Variants in PCDH15 observed in about 807,000 individuals in gnomAD.
The protein encoded by PCDH15 is protocadherin related 15.
PCDH15 carries 129 observed loss-of-function variants against 178.5 expected under a neutral mutation model. The observed-to-expected ratio is 0.72, with a 90% CI of 0.63 to 0.84. The LOEUF is 0.84. PCDH15 is among the 40% of genes least tolerant of loss of function. The pLI, the probability that PCDH15 is intolerant of heterozygous loss-of-function variation, is 0.00. For synonymous variants in PCDH15, 800 were observed against 732.0 expected (o/e 1.09, Z -1.50); for missense variants, 2,230 against 2,099.9 (o/e 1.06, Z -1.21).
At chr10:53,874,736 T>C (rs577369591) in intron 26 of PCDH15, among the ~76,000 whole-genome samples, 3 of 89,790 alleles carry the variant, frequency 3.3e-5, no homozygotes, top group African/African-American at 9.7e-5. Context: ...AAAAGTCCGT[T>C]GAGATAAAAA....
At chr10:55,128,659 C>G (rs1432396456) in intron 2 of PCDH15, among the ~76,000 whole-genome samples, 1 of 151,978 alleles carries the variant, frequency 6.6e-6, no homozygotes, top group Non-Finnish European at 1.5e-5. Context: ...AGAAATTTTC[C>G]TTGCCTCACT....
chr10:54,127,292 A>C (rs980431641), intron 15 of PCDH15, among the ~76,000 whole-genome samples: 1 of 152,148 alleles, frequency 6.6e-6, no homozygotes, highest in Non-Finnish European at 1.5e-5. Context: ...TACATTTGTT[A>C]TCCATTTGGC....
At chr10:54,092,426 T>G (rs1397538343) in intron 15 of PCDH15, among the ~76,000 whole-genome samples, 2 of 152,132 alleles carry the variant, frequency 1.3e-5, no homozygotes, top group Non-Finnish European at 2.9e-5. Context: ...TAAAGTCTAT[T>G]GCTTTCTCCC....
intron 35 of PCDH15, among the ~76,000 whole-genome samples, chr10:53,812,449 G>A (rs966178741): frequency 6.6e-6 from 1 of 151,868 alleles, no homozygotes; most frequent in Admixed American, 6.6e-5. Flanking sequence ...TCCTGACCTC[G>A]TGATCAGCCC....
chr10:54,024,592 G>C (rs899063139), intron 18 of PCDH15, among the ~76,000 whole-genome samples: 6 of 152,112 alleles, frequency 3.9e-5, no homozygotes, highest in Admixed American at 3.9e-4. Context: ...CATTTCAGCA[G>C]GATTTGTCTC....
At chr10:55,463,899 GAGAAAGAAAGAAAGAAAGAA>G (rs71014491) in intron 2 of PCDH15, among the ~76,000 whole-genome samples, 62 of 47,476 alleles carry the variant, frequency 1.3e-3, no homozygotes, top group Middle Eastern at 0.011. Flanking sequence ...GGGAGAGAGA[GAGAAAGAAAGAAAGAAAGAA>G]AGAAAGAAAG....
intron 2 of PCDH15, among the ~76,000 whole-genome samples, chr10:54,659,902 T>G (rs2094464801): frequency 1.3e-5 from 2 of 151,904 alleles, no homozygotes; most frequent in Admixed American, 1.3e-4. Context: ...AATAGAAATA[T>G]AACTCACCAA....
At chr10:54,747,394 A>T (rs1945609149) in intron 1 of PCDH15, among the ~76,000 whole-genome samples, 1 of 152,198 alleles carries the variant, frequency 6.6e-6, no homozygotes, top group Non-Finnish European at 1.5e-5. Context: ...AGACTTATAC[A>T]ATAAATAGGT....
intron 2 of PCDH15, among the ~76,000 whole-genome samples, chr10:55,329,824 G>A (rs935578986): frequency 2.6e-5 from 4 of 151,644 alleles, no homozygotes; most frequent in Non-Finnish European, 5.9e-5. Context: ...CCTAAGGATT[G>A]GGCATATTTT....
At position 55,225,313 on chromosome 10, in the gene PCDH15, G is replaced by A. The variant is rs182978689; in HGVS notation, c.-155-58662C>T. 2.8e-4 allele frequency among the ~76,000 whole-genome samples: 42 copies of A among 152,154 alleles called. No individual in the cohort carries two copies. The East Asian group carries it at 7.5e-3, about 27-fold the overall frequency. On this transcript the variant is annotated intron_variant, in intron 1 of 5. Transcript: ENST00000458638. ...GCTATAACCTCTAACATCAGAGATTGTTTCTGTAACCTAAGCTTTTAAGTT... is the reference window on the plus strand; with the variant it reads ...GCTATAACCTCTAACATCAGAGATTATTTCTGTAACCTAAGCTTTTAAGTT...
chr10:55,254,500 T>G (rs1194592143), intron 1 of PCDH15, among the ~76,000 whole-genome samples: 1 of 152,070 alleles, frequency 6.6e-6, no homozygotes, highest in Non-Finnish European at 1.5e-5. Flanking sequence ...AGTGGAAAGG[T>G]GAGTAACAGA....
intron 2 of PCDH15, among the ~76,000 whole-genome samples, chr10:55,134,115 T>A (rs534746735): frequency 1.2e-4 from 18 of 152,280 alleles, no homozygotes; most frequent in African/African-American, 4.3e-4. Flanking sequence ...AGTCCCCACA[T>A]AATACTTTCT....
chr10:53,941,261 G>A (rs942404326), intron 23 of PCDH15, among the ~76,000 whole-genome samples: 18 of 152,120 alleles, frequency 1.2e-4, no homozygotes, highest in African/African-American at 3.6e-4. Context: ...GCATGTATCC[G>A]CTTTCATGTA....
At chr10:55,197,643 G>A (rs1371000694) in intron 1 of PCDH15, among the ~76,000 whole-genome samples, 1 of 152,036 alleles carries the variant, frequency 6.6e-6, no homozygotes, top group Non-Finnish European at 1.5e-5. Flanking sequence ...CATAATAGAA[G>A]CAGGTGGAAA....
intron 1 of PCDH15, among the ~76,000 whole-genome samples, chr10:54,770,197 G>A (rs1035858405): frequency 6.6e-6 from 1 of 152,066 alleles, no homozygotes; most frequent in Non-Finnish European, 1.5e-5. Flanking sequence ...CTACATCAGA[G>A]AATCCCCTTT....
At chr10:54,212,928 T>C in intron 10 of PCDH15, among the ~76,000 whole-genome samples, 1 of 152,106 alleles carries the variant, frequency 6.6e-6, no homozygotes, top group East Asian at 1.9e-4. Flanking sequence ...GTTTCCCCAT[T>C]TTGTGCAAAT....
intron 3 of PCDH15, among the ~76,000 whole-genome samples, chr10:54,813,526 G>A (rs188383955): frequency 1.3e-5 from 2 of 152,064 alleles, no homozygotes; most frequent in Admixed American, 1.3e-4. Flanking sequence ...TTGTGTTTGC[G>A]GGGTGGGGGA....
At chr10:54,151,052 T>C (rs942006400) in intron 14 of PCDH15, among the ~76,000 whole-genome samples, 5 of 152,126 alleles carry the variant, frequency 3.3e-5, no homozygotes, top group African/African-American at 1.2e-4. Context: ...ATGGTAGCTA[T>C]TTATTTGATC....
intron 11 of PCDH15, among the ~76,000 whole-genome samples, chr10:54,193,249 C>T (rs1027879674): frequency 6.6e-6 from 1 of 152,112 alleles, no homozygotes; most frequent in Non-Finnish European, 1.5e-5. Context: ...TAAAAGTGAA[C>T]AGACAATCCA....
Sources: allele counts gnomAD v4.1 joint callset (sites outside exome capture counted in the v4.1 genomes callset), GRCh38; gene constraint gnomAD v4.1.1; transcripts MANE v1.5; gene names NCBI Gene and HGNC (gene_info 2026-07-23, HGNC 2026-07-21).